CELF2: variants seen among roughly 807,000 people sequenced by gnomAD.
CELF2 encodes CUGBP Elav-like family member 2.
Under a neutral mutation model 62.6 loss-of-function variants are expected in CELF2, and 8 were observed. That is an observed-to-expected ratio of 0.13 (90% CI 0.07 to 0.23). The LOEUF is 0.23. Among genes scored for constraint, CELF2 ranks in the 10% least tolerant of loss-of-function variants. The probability of loss-of-function intolerance (pLI) is 1.00; values close to 1 mark genes in which losing one functional copy is unlikely to be tolerated. For synonymous variants in CELF2, 258 were observed against 250.0 expected, an observed-to-expected ratio of 1.03 and a Z score of -0.30; for missense variants, 333 against 671.0, an observed-to-expected ratio of 0.50 and a Z score of 5.56.
the CELF2 span, among the ~76,000 whole-genome samples, chr10:10,700,106 A>G: frequency 6.6e-6 from 1 of 152,232 alleles, no homozygotes; most frequent in Non-Finnish European, 1.5e-5. Context: ...TTCAAATGCT[A>G]AAAACATGCT....
chr10:10,636,359 A>C, the CELF2 span, among the ~76,000 whole-genome samples: 1 of 152,216 alleles, frequency 6.6e-6, no homozygotes, highest in South Asian at 2.1e-4. Flanking sequence ...ATATTTATTT[A>C]AAATACCTTC....
intron 1 of CELF2, among the ~76,000 whole-genome samples, chr10:10,880,319 A>G (rs1209616121): frequency 1.3e-5 from 2 of 152,180 alleles, no homozygotes; most frequent in African/African-American, 4.8e-5. Flanking sequence ...CCCACGTTAT[A>G]GTTTCTGCTG....
chr10:10,857,422 T>G (rs2059781266), intron 1 of CELF2, among the ~76,000 whole-genome samples: 1 of 151,880 alleles, frequency 6.6e-6, no homozygotes, highest in Non-Finnish European at 1.5e-5. Flanking sequence ...AAGGCTAATG[T>G]AGAATCACCC....
In CELF2 at chr10:10,938,932, G is replaced by T. The variant is rs1000189870; in HGVS notation, c.89+18933G>T. Among the ~76,000 whole-genome samples the T allele has an allele frequency of 6.6e-6, 1 of 152,172 alleles. No homozygotes were observed. Among genetic ancestry groups the T allele is most frequent in the African/African-American group, 2.4e-5 (1 of 41,436 alleles). On this transcript the variant is annotated intron_variant, in intron 2 of 13. Transcript: ENST00000636488. The surrounding 1 kb of genome is among the most constrained non-coding windows in gnomAD (Gnocchi z 4.2). ...CTTGTGTGCATCTGTCTTTCTCCAT[G>T]CCTAGGCCAAGCGCTCCTGCAGCAG...
intron 1 of CELF2, among the ~76,000 whole-genome samples, chr10:11,063,189 A>AGTC: frequency 6.6e-6 from 1 of 152,240 alleles, no homozygotes; most frequent in East Asian, 1.9e-4. Flanking sequence ...GCTTCATTGA[A>AGTC]ATACTAGCTT....
intron 2 of CELF2, among the ~76,000 whole-genome samples, chr10:10,920,931 T>C (rs1348379076): frequency 6.6e-6 from 1 of 152,068 alleles, no homozygotes; most frequent in African/African-American, 2.4e-5. Flanking sequence ...CACCAAGGAT[T>C]GTGCCTTTGT....
the CELF2 span, among the ~76,000 whole-genome samples, chr10:10,657,166 T>C: frequency 6.6e-6 from 1 of 152,072 alleles, no homozygotes; most frequent in African/African-American, 2.4e-5. Flanking sequence ...AAAGGCCAAA[T>C]AATGCATATG....
intron 1 of CELF2, among the ~76,000 whole-genome samples, chr10:11,134,899 T>C (rs1340857728): frequency 6.6e-6 from 1 of 152,262 alleles, no homozygotes; most frequent in Non-Finnish European, 1.5e-5. Context: ...TTTTCTTTTC[T>C]GTAATTGAAA....
rs1198467743 is a variant in CELF2 at position 10,986,662 on chromosome 10, T to C, written c.89+66663T>C. 2.0e-5 allele frequency among the ~76,000 whole-genome samples: 3 copies of C among 152,200 alleles called. No homozygotes were observed. The East Asian group carries it at 5.8e-4, about 29-fold the overall frequency. On this transcript the variant is annotated intron_variant, in intron 2 of 13. Transcript: ENST00000636488. The stretch of plus-strand genomic sequence containing the variant: ...GCTTAGTGATGTTTTGAAAATTAAA[T>C]TGAATTAATAAATTCAAGGGGATCA...
rs773324163 is a variant in CELF2 at position 11,178,909 on chromosome 10, G to C, written c.271+13227G>C. Among the ~76,000 whole-genome samples, 3 of 152,196 alleles carry C rather than the reference G, an allele frequency of 2.0e-5. No homozygotes were observed. Among genetic ancestry groups the C allele is most frequent in the Non-Finnish European group, 4.4e-5 (3 of 68,038 alleles). On this transcript the variant is annotated intron_variant, in intron 2 of 12. Transcript: ENST00000633077. This position sits in a 1 kb window ranked among gnomAD's most constrained non-coding sequence, Gnocchi z 4.3. The stretch of plus-strand genomic sequence containing the variant: ...ATCACATGTTTGCGATGAAAATGCT[G>C]TATTTTTAGAACACTTCAAAGTCAG...
chr10:10,919,997 A>G, exon 2 of CELF2: 1 of 1,231,528 alleles, frequency 8.1e-7, no homozygotes, highest in South Asian at 4.1e-5. Context: ...GGAGTCTACC[A>G]AGGTGAGCAC....
At chr10:10,512,401 C>CTTT in the CELF2 span, among the ~76,000 whole-genome samples, 499 of 109,060 alleles carry the variant, frequency 4.6e-3, 14 homozygotes, top group Middle Eastern at 7.5e-3. Flanking sequence ...TTTTGGAACG[C>CTTT]TTTTTTTTTT....
At chr10:10,766,810 C>T in the CELF2 span, among the ~76,000 whole-genome samples, 3 of 152,236 alleles carry the variant, frequency 2.0e-5, no homozygotes, top group Non-Finnish European at 4.4e-5. Flanking sequence ...GGTGACTTCT[C>T]ACTGGGCACT....
At chr10:10,643,401 C>T in the CELF2 span, among the ~76,000 whole-genome samples, 60 of 152,252 alleles carry the variant, frequency 3.9e-4, no homozygotes, top group Admixed American at 2.4e-3. Flanking sequence ...CCTGCACATG[C>T]TCTCTTGCCT....
At chr10:11,287,108 C>T (rs1333447468) in intron 8 of CELF2, among the ~76,000 whole-genome samples, 1 of 152,138 alleles carries the variant, frequency 6.6e-6, no homozygotes, top group African/African-American at 2.4e-5. Flanking sequence ...TCCACCAGCG[C>T]CCCTACACAC....
At chr10:10,811,643 G>C (rs1222811221) in intron 1 of CELF2, among the ~76,000 whole-genome samples, 2 of 152,218 alleles carry the variant, frequency 1.3e-5, no homozygotes. Context: ...ACCTAAGAAA[G>C]GGAGGGCAGG....
the CELF2 span, among the ~76,000 whole-genome samples, chr10:10,562,082 G>C: frequency 6.6e-6 from 1 of 152,156 alleles, no homozygotes; most frequent in South Asian, 2.1e-4. Flanking sequence ...CACTGCTGTT[G>C]GTTGCCTAGA....
the CELF2 span, among the ~76,000 whole-genome samples, chr10:10,639,778 T>C: frequency 1.3e-5 from 2 of 152,162 alleles, no homozygotes; most frequent in African/African-American, 4.8e-5. Flanking sequence ...AAGAATTATA[T>C]TTCATTGTGA....
At chr10:10,549,977 T>G in the CELF2 span, among the ~76,000 whole-genome samples, 3 of 152,106 alleles carry the variant, frequency 2.0e-5, no homozygotes, top group South Asian at 6.2e-4. Context: ...TGGAAGAACT[T>G]GAAACACCAT....
Sources: gnomAD v4.1 joint callset for allele counts (sites outside exome capture counted in the v4.1 genomes callset) on GRCh38, gnomAD v4.1.1 for gene constraint, Gnocchi (gnomAD v3.1) non-coding constraint, MANE v1.5 for transcripts, NCBI Gene and HGNC (gene_info 2026-07-23, HGNC 2026-07-21) for gene names.